The following NCAPD3 variants were observed in gnomAD, a reference collection of about 807,000 sequenced individuals.
NCAPD3 encodes condensin-2 complex subunit D3.
NCAPD3 carries 105 observed loss-of-function variants against 182.9 expected under a neutral mutation model. That is an observed-to-expected ratio of 0.57 (90% CI 0.49 to 0.68). NCAPD3 has a LOEUF of 0.68. Among genes scored for constraint, NCAPD3 ranks in the 30% least tolerant of loss-of-function variants. NCAPD3 has a pLI of 0.00. For missense variants in NCAPD3, 1,944 were observed against 1,837.0 expected (o/e 1.06, Z -1.07); for synonymous variants, 815 against 679.9 (o/e 1.20, Z -3.09).
At position 134,164,590 on chromosome 11, in the gene NCAPD3, CATG is replaced by C. The variant is rs1487597783; in HGVS notation, c.3574-2702_3574-2700del. On this transcript the variant is annotated intron_variant, in intron 27 of 34. Transcript: ENST00000534548. ...AGGGGAGCTGCACACTCACTTGTGA[CATG>C]AGCTTAGGGGAGCTGCACACTCACT... Among the ~76,000 whole-genome samples the C allele has an allele frequency of 1.1e-4, 16 of 148,274 alleles. No homozygotes were observed. The East Asian group carries it at 3.3e-3, about 31-fold the overall frequency.
Position 134,150,755 on chromosome 11 carries a change from G to C in NCAPD3, c.*2189C>G, listed in dbSNP as rs1051577482. 6.6e-6 allele frequency: 1 copy of C among 152,028 alleles called. No homozygotes were observed. The allele number at this position is 152,028 out of a possible 1,614,324, so 9.4% of individuals were successfully genotyped here. On this transcript the variant is annotated 3_prime_UTR_variant, in exon 35 of 35. Coordinates refer to ENST00000534548, the MANE Select transcript of NCAPD3 (RefSeq NM_015261.3). ...TTTTTAAAAGAAAATGGATCCCACTGTTCCTCTTTGCCACAGAGAAAGCAC... is the reference window on the plus strand; with the variant it reads ...TTTTTAAAAGAAAATGGATCCCACTCTTCCTCTTTGCCACAGAGAAAGCAC...
chr11:134,176,023 A>G (rs1944153863), intron 24 of NCAPD3, among the ~76,000 whole-genome samples: 1 of 152,046 alleles, frequency 6.6e-6, no homozygotes, highest in South Asian at 2.1e-4. Context: ...CAGCAAGCAT[A>G]TAATATTCTT....
rs777491121 is a variant in NCAPD3 at position 134,210,258 on chromosome 11, C to CTA, written c.567+11_567+12insTA. ...GTTGGTATATATGTTTTATACTCAACTTACTTCTTACCTCAATATCTTCTC... is the reference window on the plus strand; with the variant it reads ...GTTGGTATATATGTTTTATACTCAACTATTACTTCTTACCTCAATATCTTCTC... On this transcript the variant is annotated intron_variant, in intron 4 of 34. Transcript: ENST00000534548. The CTA allele has an allele frequency of 5.5e-5, 88 of 1,606,730 alleles. No individual in the cohort carries two copies. The highest frequency in any genetic ancestry group is 7.1e-5 in the Non-Finnish European group (83 of 1,177,010).
chr11:134,210,382 G>C lies in NCAPD3; in HGVS notation c.455C>G (p.Pro152Arg). The C allele has an allele frequency of 1.2e-6, 2 of 1,614,016 alleles. No individual in the cohort carries two copies. The highest frequency in any genetic ancestry group is 4.5e-5 in the East Asian group (2 of 44,886). ...TTTCCGATTCAAGTTAGATTCCTGG[G>C]GCCAGCTCTTCTTTAGAGTCTGAAT... ...KCIQTLKKSW[P>R]QESNLNRKRK... The change falls in exon 4 of 35, where the codon CCC (proline) becomes CGC (arginine). Residue 152 changes from proline to arginine, a missense_variant. Pro to Arg is a moderately radical substitution (Grantham distance 103). This residue lies in a region of NCAPD3 where 1,803 missense variants were observed against 1,674.6 expected (regional missense o/e 1.08). Coordinates refer to ENST00000534548, the MANE Select transcript of NCAPD3 (RefSeq NM_015261.3).
chr11:134,190,668 G>A (rs1944505249), intron 16 of NCAPD3, among the ~76,000 whole-genome samples: 2 of 152,178 alleles, frequency 1.3e-5, no homozygotes, highest in South Asian at 4.2e-4. Flanking sequence ...GTAGAGACAA[G>A]GTCTCACCAC....
chr11:134,205,204 C>T (rs1031148023), intron 8 of NCAPD3, among the ~76,000 whole-genome samples: 13 of 152,078 alleles, frequency 8.5e-5, no homozygotes, highest in Admixed American at 2.0e-4. Flanking sequence ...CAGGTAAGAA[C>T]AAAAATGTAA....
intron 7 of NCAPD3, 40 bp downstream of exon 7, chr11:134,208,824 G>A (rs1457721376): frequency 2.9e-6 from 4 of 1,393,158 alleles, no homozygotes; most frequent in Admixed American, 1.8e-5. Context: ...ATGTGCCTTC[G>A]ATTCAACTAG....
chr11:134,181,240 A>G, intron 19 of NCAPD3, 56 bp from the exon 20 acceptor site: 6 of 1,092,486 alleles, frequency 5.5e-6, no homozygotes, highest in East Asian at 4.9e-5. Flanking sequence ...CAGACTACCC[A>G]TGAAACACCA....
Position 134,152,792 on chromosome 11 carries a change from T to G in NCAPD3, c.*152A>C. The G allele has an allele frequency of 1.6e-6, 1 of 616,972 alleles. No homozygotes were observed. The highest frequency in any genetic ancestry group is 2.9e-6 in the Non-Finnish European group (1 of 350,512). The allele number at this position is 616,972 out of a possible 1,614,324, so 38.2% of individuals were successfully genotyped here. ...CAAATACATCATACAGAATAGAAGG[T>G]GAGTGCCAGGCCCCTGAGGAGGAGC... On this transcript the variant is annotated 3_prime_UTR_variant, in exon 35 of 35. Transcript: ENST00000534548.
chr11:134,167,947 C>G (rs771216744), intron 27 of NCAPD3, 49 bp downstream of exon 27: 1 of 1,555,228 alleles, frequency 6.4e-7, no homozygotes, highest in South Asian at 1.2e-5. Context: ...CTTAGGGGAG[C>G]AGCACACTCA....
intron 13 of NCAPD3, among the ~76,000 whole-genome samples, chr11:134,199,491 T>A (rs953524634): frequency 8.0e-5 from 12 of 149,374 alleles, no homozygotes; most frequent in African/African-American, 2.6e-4. Flanking sequence ...CAATGCACAT[T>A]CAAACCATAC....
intron 22 of NCAPD3, 60 bp from the exon 23 acceptor site, chr11:134,177,517 A>T (rs1944199360): frequency 6.8e-7 from 1 of 1,471,926 alleles, no homozygotes; most frequent in South Asian, 1.2e-5. Flanking sequence ...CCATTCCTAA[A>T]TTTTCTCCAG....
chr11:134,162,853 G>A (rs183151065), intron 27 of NCAPD3, among the ~76,000 whole-genome samples: 4 of 152,218 alleles, frequency 2.6e-5, no homozygotes, highest in Non-Finnish European at 5.9e-5. Flanking sequence ...GAAAGTGTGT[G>A]TCTCAAGGGA....
At chr11:134,168,765 C>T (rs530375332) in intron 25 of NCAPD3, 152 bp downstream of exon 25, 31 of 1,348,588 alleles carry the variant, frequency 2.3e-5, no homozygotes, top group South Asian at 1.7e-4. Flanking sequence ...GCGATTCTCA[C>T]GACTGTATTT....
At chr11:134,171,938 T>C (rs970181691) in intron 24 of NCAPD3, among the ~76,000 whole-genome samples, 1 of 152,236 alleles carries the variant, frequency 6.6e-6, no homozygotes, top group African/African-American at 2.4e-5. Context: ...ACCCACCAAA[T>C]GTTCACGGCA....
chr11:134,158,070 G>C lies in NCAPD3; in HGVS notation c.4035-3C>G. On this transcript the variant is annotated splice_region_variant and splice_polypyrimidine_tract_variant and intron_variant, in intron 30 of 34. Transcript: ENST00000534548. ...CAATGGTGCTCAGGGACATGGGCCTGTGGAGAACAGCCACAGCCGCTGACT... is the reference window on the plus strand; with the variant it reads ...CAATGGTGCTCAGGGACATGGGCCTCTGGAGAACAGCCACAGCCGCTGACT... The C allele has an allele frequency of 6.2e-7, 1 of 1,612,978 alleles. No individual in the cohort carries two copies. Among genetic ancestry groups the C allele is most frequent in the Non-Finnish European group, 8.5e-7 (1 of 1,179,434 alleles).
chr11:134,223,207 G>A lies in NCAPD3; in HGVS notation c.64+656C>T, dbSNP rs1200777118. ...TGTTTTCAAAAGTCGTTCTGCAAAA[G>A]TGTGGGGGATGGGCTGGCACAGTTA... On this transcript the variant is annotated intron_variant, in intron 1 of 34. Coordinates refer to ENST00000534548, the MANE Select transcript of NCAPD3 (RefSeq NM_015261.3). The A allele has an allele frequency of 7.2e-6, 4 of 554,178 alleles. No homozygotes were observed. In the Middle Eastern group the frequency reaches 1.4e-3, roughly 200 times the overall value. The allele number at this position is 554,178 out of a possible 1,614,324, so 34.3% of individuals were successfully genotyped here. A position where few individuals can be genotyped will look rare whatever the true frequency, so the allele number is the denominator to read the frequency against.
chr11:134,170,199 C>A (rs763986826), intron 24 of NCAPD3, among the ~76,000 whole-genome samples: 3 of 152,142 alleles, frequency 2.0e-5, no homozygotes, highest in African/African-American at 7.2e-5. Flanking sequence ...CTAGGAAATA[C>A]GGGAGCAGCT....
rs1451291648 is a variant in NCAPD3 at position 134,151,282 on chromosome 11, T to G, written c.*1662A>C. ...GCCGCCTGGCAGAGGCAGGAAATGC[T>G]CCAGCAGTGGCTCAGTGCTCCCTGG... On this transcript the variant is annotated 3_prime_UTR_variant, in exon 35 of 35. Transcript: ENST00000534548. 4 of 152,230 alleles carry G rather than the reference T, an allele frequency of 2.6e-5. No individual in the cohort carries two copies. The highest frequency in any genetic ancestry group is 2.6e-4 in the Admixed American group (4 of 15,286). The allele number at this position is 152,230 out of a possible 1,614,324, so 9.4% of individuals were successfully genotyped here.
Sources: gnomAD v4.1 joint callset for allele counts (sites outside exome capture counted in the v4.1 genomes callset) on GRCh38, gnomAD v4.1.1 for gene constraint, gnomAD v4.1.1 regional missense constraint, MANE v1.5 for transcripts, NCBI Gene and HGNC (gene_info 2026-07-23, HGNC 2026-07-21) for gene names.